PRMT8: variants seen among roughly 807,000 people sequenced by gnomAD.
PRMT8 encodes the protein protein arginine methyltransferase 8.
PRMT8 carries 7 observed loss-of-function variants against 47.1 expected under a neutral mutation model. The ratio of observed to expected loss-of-function variants is 0.15; its 90% CI spans 0.08 to 0.28. PRMT8 has a LOEUF of 0.28. PRMT8 is among the 10% of genes least tolerant of loss of function. PRMT8 has a pLI of 1.00. For missense variants in PRMT8, 237 were observed against 505.4 expected, an observed-to-expected ratio of 0.47 and a Z score of 5.09; for synonymous variants, 188 against 186.5, an observed-to-expected ratio of 1.01 and a Z score of -0.07.
chr12:3,393,698 C>T (rs1448488718), intron 1 of PRMT8, among the ~76,000 whole-genome samples: 5 of 141,010 alleles, frequency 3.5e-5, no homozygotes, highest in South Asian at 2.5e-4. Flanking sequence ...GCGATGCGGG[C>T]TCTTTTTTGG....
At chr12:3,574,876 A>G (rs36008080) in intron 6 of PRMT8, among the ~76,000 whole-genome samples, 26,290 of 152,234 alleles carry the variant, frequency 0.17, 2,439 homozygotes, top group Middle Eastern at 0.31. Context: ...GAGTCCAGGG[A>G]GAAAAGAGCA....
In PRMT8 at chr12:3,538,034, T is replaced by G. The variant is rs192512729; in HGVS notation, c.76-2572T>G. 6.6e-6 allele frequency among the ~76,000 whole-genome samples: 1 copy of G among 152,244 alleles called. No individual in the cohort carries two copies. Among genetic ancestry groups the G allele is most frequent in the Admixed American group, 6.5e-5 (1 of 15,286 alleles). The stretch of plus-strand genomic sequence containing the variant: ...ACGACCTCTTAGCCTGGCCATAATT[T>G]CCTTTCAACTGAATCTCTCACTGTC... On this transcript the variant is annotated intron_variant, in intron 1 of 9. Coordinates refer to ENST00000382622, the MANE Select transcript of PRMT8 (RefSeq NM_019854.5). The surrounding 1 kb of genome is among the most constrained non-coding windows in gnomAD (Gnocchi z 4.6).
At chr12:3,513,473 C>G (rs1006092151) in intron 1 of PRMT8, among the ~76,000 whole-genome samples, 2 of 152,156 alleles carry the variant, frequency 1.3e-5, no homozygotes, top group African/African-American at 4.8e-5. Flanking sequence ...ACCCTTTGAG[C>G]CTGCGTAATG....
chr12:3,482,268 G>C (rs959253243), intron 1 of PRMT8, among the ~76,000 whole-genome samples: 1 of 152,180 alleles, frequency 6.6e-6, no homozygotes, highest in African/African-American at 2.4e-5. Context: ...GAAAAGAAAA[G>C]ACCATCTTTG....
intron 1 of PRMT8, among the ~76,000 whole-genome samples, chr12:3,448,922 A>G (rs1051493521): frequency 3.9e-5 from 6 of 152,022 alleles, no homozygotes; most frequent in Admixed American, 1.3e-4. Context: ...AGTGTGTGCT[A>G]TTCCCCTCCC....
rs1363137489 is a variant in PRMT8 at position 3,576,552 on chromosome 12, G to C, written c.713-319G>C. 6.6e-6 allele frequency among the ~76,000 whole-genome samples: 1 copy of C among 151,758 alleles called. No individual in the cohort carries two copies. The highest frequency in any genetic ancestry group is 1.9e-4 in the East Asian group (1 of 5,194). ...CTTGGGGAGGGGACAGGAAGGAAGA[G>C]TCAGCTAGCCTGGGTTCTAGTCTTT... On this transcript the variant is annotated intron_variant, in intron 6 of 9. Coordinates refer to ENST00000382622, the MANE Select transcript of PRMT8 (RefSeq NM_019854.5). The surrounding 1 kb of genome is among the most constrained non-coding windows in gnomAD (Gnocchi z 4.0).
chr12:3,592,494 C>A, intron 9 of PRMT8, 142 bp downstream of exon 9: 1 of 878,510 alleles, frequency 1.1e-6, no homozygotes, highest in Non-Finnish European at 1.7e-6. Flanking sequence ...CACATGTGGA[C>A]ATGACTAGGC....
chr12:3,497,970 C>T (rs748627204), intron 1 of PRMT8, among the ~76,000 whole-genome samples: 1 of 152,146 alleles, frequency 6.6e-6, no homozygotes, highest in Non-Finnish European at 1.5e-5. Context: ...CTCTTTATAC[C>T]TCCTTTAAAC....
intron 1 of PRMT8, among the ~76,000 whole-genome samples, chr12:3,460,391 A>C (rs1254673022): frequency 6.6e-6 from 1 of 152,212 alleles, no homozygotes; most frequent in Non-Finnish European, 1.5e-5. Flanking sequence ...CCGGCTTCTA[A>C]GTTTGCTTTT....
rs1363077127 is a variant in PRMT8, at chr12:3,535,788, G to A, written c.76-4818G>A. Among the ~76,000 whole-genome samples the A allele has an allele frequency of 6.6e-6, 1 of 152,174 alleles. No individual in the cohort carries two copies. The highest frequency in any genetic ancestry group is 1.5e-5 in the Non-Finnish European group (1 of 68,034). ...GCTGCAGCCATGAGCAGACCAAGAC[G>A]CTGATGTTGAGAGTCCAGCTGCCCA... On this transcript the variant is annotated intron_variant, in intron 1 of 9. Transcript: ENST00000382622. This position sits in a 1 kb window ranked among gnomAD's most constrained non-coding sequence, Gnocchi z 4.7.
In PRMT8 at chr12:3,456,209, C is replaced by G. The variant is rs1024654979; in HGVS notation, c.48+74767C>G. Among the ~76,000 whole-genome samples, 1 of 152,210 alleles carries G rather than the reference C, an allele frequency of 6.6e-6. No homozygotes were observed. Among genetic ancestry groups the G allele is most frequent in the Non-Finnish European group, 1.5e-5 (1 of 68,038 alleles). On this transcript the variant is annotated intron_variant, in intron 1 of 9. Transcript: ENST00000452611. This position sits in a 1 kb window ranked among gnomAD's most constrained non-coding sequence, Gnocchi z 4.2. ...AGTACGCCAGCGCTGGCACACCAAG[C>G]GCCACCTTTGAGCGGGAAATGGCAG...
chr12:3,481,092 G>A (rs922985295), intron 1 of PRMT8, among the ~76,000 whole-genome samples: 3 of 152,186 alleles, frequency 2.0e-5, no homozygotes, highest in Non-Finnish European at 2.9e-5. Context: ...CTATCTGCCT[G>A]ACCAAATGCA....
Position 3,386,956 on chromosome 12 carries a change from C to G in PRMT8, c.48+5514C>G, listed in dbSNP as rs536760476. ...AACTCCTGACCTCATGATCCGCCCA[C>G]CTTGGCCTCCCAAAGTGCTGGGATT... On this transcript the variant is annotated intron_variant, in intron 1 of 9. Transcript: ENST00000452611. Among the ~76,000 whole-genome samples, 5 of 152,262 alleles carry G rather than the reference C, an allele frequency of 3.3e-5. No individual in the cohort carries two copies. In the South Asian group the frequency reaches 1.0e-3, roughly 32 times the overall value.
chr12:3,577,338 T>C (rs779113343), intron 7 of PRMT8, among the ~76,000 whole-genome samples: 3 of 152,114 alleles, frequency 2.0e-5, no homozygotes, highest in Non-Finnish European at 4.4e-5. Flanking sequence ...GAGGTAGACG[T>C]CTCTCTTAGG....
Position 3,491,663 on chromosome 12 carries a change from G to A in PRMT8, c.38G>A (p.Arg13Lys). 1 of 1,612,506 alleles carries A rather than the reference G, an allele frequency of 6.2e-7. No homozygotes were observed. Among genetic ancestry groups the A allele is most frequent in the Non-Finnish European group, 8.5e-7 (1 of 1,179,760 alleles). Residue 13 changes from arginine (R) to lysine (K), a missense_variant, in exon 1 of 10, where the codon AGG becomes AAG. Physicochemically the swap from Arg to Lys is conservative, Grantham distance 26 (BLOSUM62 2). Coordinates refer to ENST00000382622, the MANE Select transcript of PRMT8 (RefSeq NM_019854.5). Reference protein sequence around the residue: ...MKHSSRCLLLRRKMAENAAES... With the variant: ...MKHSSRCLLLKRKMAENAAES... ...CACTCCTCCCGCTGCCTGCTCCTGA[G>A]GAGGAAAATGGCGGAGAACGCGGCC...
In PRMT8 at chr12:3,467,101, G is replaced by T. The variant is rs11062660; in HGVS notation, c.49-73505G>T. ...AAAAATACAAAAAAATTAACCGGGC[G>T]TGGTGGCGGGTGCCTGTAGTCCCAG... On this transcript the variant is annotated intron_variant, in intron 1 of 9. Coordinates refer to the PRMT8 transcript ENST00000452611. Among the ~76,000 whole-genome samples the T allele has an allele frequency of 5.4e-3, 821 of 151,926 alleles. 12 individuals are homozygous for T. Among genetic ancestry groups the T allele is most frequent in the African/African-American group, 0.019 (779 of 41,448 alleles).
rs866493645 is a variant in PRMT8, at chr12:3,570,021, G to A, written c.712+457G>A. ...ATCAAAATAATATTGATTCTCTTAT[G>A]CAAATACATATTATTTGAGGTTCTT... On this transcript the variant is annotated intron_variant, in intron 6 of 9. Coordinates refer to ENST00000382622, the MANE Select transcript of PRMT8 (RefSeq NM_019854.5). This position sits in a 1 kb window ranked among gnomAD's most constrained non-coding sequence, Gnocchi z 5.5. 6.6e-6 allele frequency among the ~76,000 whole-genome samples: 1 copy of A among 152,114 alleles called. No homozygotes were observed. Among genetic ancestry groups the A allele is most frequent in the African/African-American group, 2.4e-5 (1 of 41,432 alleles).
chr12:3,413,622 A>G (rs973172485), intron 1 of PRMT8, among the ~76,000 whole-genome samples: 1 of 152,162 alleles, frequency 6.6e-6, no homozygotes, highest in African/African-American at 2.4e-5. Flanking sequence ...TGAGTAATGC[A>G]TTGTGCCACA....
At chr12:3,487,312 G>A (rs1865331992), upstream of PRMT8, among the ~76,000 whole-genome samples, 1 of 152,002 alleles carries the variant, frequency 6.6e-6, no homozygotes, top group South Asian at 2.1e-4. Flanking sequence ...AACGACCATT[G>A]GAACAAGCTA....
Sources: gnomAD v4.1 joint callset for allele counts (sites outside exome capture counted in the v4.1 genomes callset) on GRCh38, gnomAD v4.1.1 for gene constraint, Gnocchi (gnomAD v3.1) non-coding constraint, MANE v1.5 for transcripts, NCBI Gene and HGNC (gene_info 2026-07-23, HGNC 2026-07-21) for gene names.